Variants in XPNPEP1 observed in about 807,000 individuals in gnomAD.
XPNPEP1 encodes the protein xaa-Pro aminopeptidase 1.
In XPNPEP1, 39 loss-of-function variants were observed where a neutral mutation model predicts 92.4. The observed-to-expected ratio is 0.42, with a 90% CI of 0.33 to 0.55. XPNPEP1 has a LOEUF of 0.55. Ranked by LOEUF, XPNPEP1 falls within the 20% of genes least tolerant of loss-of-function variation. XPNPEP1 has a pLI of 0.08. For synonymous variants in XPNPEP1, 307 were observed against 299.4 expected (o/e 1.03, Z -0.26); for missense variants, 654 against 856.1 (o/e 0.76, Z 2.95).
At chr10:109,881,239 T>C (rs1848076360) in intron 10 of XPNPEP1, among the ~76,000 whole-genome samples, 1 of 152,208 alleles carries the variant, frequency 6.6e-6, no homozygotes, top group African/African-American at 2.4e-5. Flanking sequence ...CAAGCCACTG[T>C]GGTTGTGGTT....
chr10:109,919,452 G>T (rs932258185), intron 1 of XPNPEP1, among the ~76,000 whole-genome samples: 4 of 152,142 alleles, frequency 2.6e-5, no homozygotes, highest in African/African-American at 9.7e-5. Context: ...CCACTAGGAA[G>T]GTTATAATAA....
chr10:109,880,348 A>G, intron 11 of XPNPEP1, 110 bp from the exon 12 acceptor site: 3 of 1,086,340 alleles, frequency 2.8e-6, no homozygotes, highest in Non-Finnish European at 4.2e-6. Flanking sequence ...AGGGCCACAC[A>G]TCATCAGCAA....
At chr10:109,923,257 G>C in intron 1 of XPNPEP1, 145 bp downstream of exon 1, 8 of 1,185,644 alleles carry the variant, frequency 6.7e-6, no homozygotes, top group Non-Finnish European at 8.3e-6. Flanking sequence ...CCTGTTCCGG[G>C]GCTCCGGCGA....
At chr10:109,887,177 T>C (rs1158158001) in intron 7 of XPNPEP1, among the ~76,000 whole-genome samples, 1 of 152,146 alleles carries the variant, frequency 6.6e-6, no homozygotes, top group Non-Finnish European at 1.5e-5. Flanking sequence ...CCCTCTCCTA[T>C]AAGCAACAAG....
intron 20 of XPNPEP1, among the ~76,000 whole-genome samples, chr10:109,866,919 C>T (rs748428921): frequency 6.6e-6 from 1 of 152,168 alleles, no homozygotes; most frequent in Non-Finnish European, 1.5e-5. Flanking sequence ...TCCAATGTCA[C>T]GGGAGTAGAC....
At chr10:109,902,326 T>A (rs753972184) in intron 3 of XPNPEP1, among the ~76,000 whole-genome samples, 10 of 152,252 alleles carry the variant, frequency 6.6e-5, no homozygotes, top group Non-Finnish European at 1.0e-4. Flanking sequence ...ATGCGGTACA[T>A]ACCACACTGT....
chr10:109,903,581 G>C (rs1372015877), intron 3 of XPNPEP1, among the ~76,000 whole-genome samples: 1 of 152,184 alleles, frequency 6.6e-6, no homozygotes, highest in Non-Finnish European at 1.5e-5. Context: ...AGAGAATCCA[G>C]GTGACATGAA....
chr10:109,908,621 CAG>C (rs1849686402), intron 2 of XPNPEP1, among the ~76,000 whole-genome samples: 1 of 152,108 alleles, frequency 6.6e-6, no homozygotes, highest in East Asian at 1.9e-4. Context: ...ACAAAACAAA[CAG>C]ATGACAAAGG....
chr10:109,903,413 G>C (rs1849392106), intron 3 of XPNPEP1, among the ~76,000 whole-genome samples: 1 of 152,186 alleles, frequency 6.6e-6, no homozygotes, highest in Admixed American at 6.5e-5. Flanking sequence ...GGGACTTACA[G>C]AACTGCCCAA....
At chr10:109,891,437 C>A (rs1200554568) in intron 5 of XPNPEP1, 2 of 262,052 alleles carry the variant, frequency 7.6e-6, no homozygotes, top group Admixed American at 5.2e-5. Context: ...GCCCCCAGTA[C>A]AGGAGTGAAA....
At chr10:109,869,721 A>T (rs1195336574) in intron 19 of XPNPEP1, 2 of 438,918 alleles carry the variant, frequency 4.6e-6, no homozygotes, top group Non-Finnish European at 8.3e-6. Flanking sequence ...CTGGCTTTGC[A>T]GGGAAGGAGT....
intron 15 of XPNPEP1, among the ~76,000 whole-genome samples, chr10:109,874,576 G>A (rs1003924065): frequency 2.6e-5 from 4 of 152,198 alleles, no homozygotes; most frequent in South Asian, 4.1e-4. Flanking sequence ...TGGTTGCCAC[G>A]TAATTGGCTG....
At chr10:109,918,992 T>A (rs1428721496) in intron 1 of XPNPEP1, among the ~76,000 whole-genome samples, 1 of 151,232 alleles carries the variant, frequency 6.6e-6, no homozygotes, top group East Asian at 1.9e-4. Flanking sequence ...TAAAAAAAAA[T>A]TAACCCAAAT....
chr10:109,890,137 C>A (rs1043116910), intron 5 of XPNPEP1, among the ~76,000 whole-genome samples: 13 of 152,312 alleles, frequency 8.5e-5, no homozygotes, highest in Admixed American at 5.9e-4. Context: ...TAGGAAGGAG[C>A]CTGGAGGAGA....
At chr10:109,882,360 G>C in intron 10 of XPNPEP1, 72 bp downstream of exon 10, 1 of 1,540,426 alleles carries the variant, frequency 6.5e-7, no homozygotes, top group Non-Finnish European at 8.9e-7. Context: ...AAATCTGCCT[G>C]TGCTCCAAAG....
At chr10:109,920,679 G>C (rs1422534256) in intron 1 of XPNPEP1, among the ~76,000 whole-genome samples, 1 of 151,962 alleles carries the variant, frequency 6.6e-6, no homozygotes, top group African/African-American at 2.4e-5. Context: ...TAGGACTACA[G>C]GTATGTGCCA....
At chr10:109,899,761 T>C (rs1342005459) in intron 3 of XPNPEP1, among the ~76,000 whole-genome samples, 1 of 152,234 alleles carries the variant, frequency 6.6e-6, no homozygotes, top group East Asian at 1.9e-4. Context: ...AGTCAGTCCC[T>C]GACAAAACAT....
At chr10:109,892,730 T>G (rs1848768418) in intron 4 of XPNPEP1, 1 of 382,768 alleles carries the variant, frequency 2.6e-6, no homozygotes, top group East Asian at 4.7e-5. Context: ...GATAGAACTT[T>G]TATATGTATG....
At position 109,907,828 on chromosome 10, in the gene XPNPEP1, G is replaced by A; in HGVS notation, c.122-13C>T. ...GGCATTCTGCCGTCTGCAACAACAGGAGAGCAAATTTCAAAACCAGCCTGC... is the reference window on the plus strand; with the variant it reads ...GGCATTCTGCCGTCTGCAACAACAGAAGAGCAAATTTCAAAACCAGCCTGC... On this transcript the variant is annotated splice_polypyrimidine_tract_variant and intron_variant, in intron 2 of 20. Coordinates refer to ENST00000502935, the MANE Select transcript of XPNPEP1 (RefSeq NM_020383.4). 3 of 1,613,728 alleles carry A rather than the reference G, an allele frequency of 1.9e-6. No homozygotes were observed. The highest frequency in any genetic ancestry group is 2.2e-5 in the South Asian group (2 of 91,052).
Sources: gnomAD v4.1 joint callset for allele counts (sites outside exome capture counted in the v4.1 genomes callset) on GRCh38, gnomAD v4.1.1 for gene constraint, MANE v1.5 for transcripts, NCBI Gene and HGNC (gene_info 2026-07-23, HGNC 2026-07-21) for gene names.